CLVS2: variants seen among roughly 807,000 people sequenced by gnomAD.
CLVS2 encodes clavesin 2, also known as clavesin-2.
In CLVS2, 19 loss-of-function variants were observed where a neutral mutation model predicts 29.0. That is an observed-to-expected ratio of 0.66 (90% CI 0.46 to 0.96). CLVS2 has a LOEUF of 0.96. Ranked by LOEUF, CLVS2 falls within the 40% of genes least tolerant of loss-of-function variation. CLVS2 has a pLI of 0.00. For missense variants in CLVS2, 294 were observed against 404.1 expected (o/e 0.73, Z 2.34); for synonymous variants, 161 against 151.3 (o/e 1.06, Z -0.47).
intron 2 of CLVS2, among the ~76,000 whole-genome samples, chr6:123,000,099 ATAATCT>A (rs1378603103): frequency 2.0e-5 from 3 of 152,206 alleles, no homozygotes; most frequent in Non-Finnish European, 2.9e-5. Context: ...AAACTTACAC[ATAATCT>A]TAAATACTAA....
chr6:123,005,040 A>G (rs967909742), intron 2 of CLVS2, among the ~76,000 whole-genome samples: 20 of 151,910 alleles, frequency 1.3e-4, no homozygotes, highest in African/African-American at 4.6e-4. Context: ...TCTATGTGGT[A>G]TCAGAAAGAT....
intron 3 of CLVS2, among the ~76,000 whole-genome samples, chr6:123,046,658 CAAAA>C (rs34421196): frequency 3.5e-5 from 5 of 144,204 alleles, no homozygotes; most frequent in Non-Finnish European, 4.6e-5. Flanking sequence ...AACTCAGTCT[CAAAA>C]AAAAAAAAAA....
At chr6:123,008,336 G>A (rs879543708) in intron 2 of CLVS2, among the ~76,000 whole-genome samples, 4 of 152,030 alleles carry the variant, frequency 2.6e-5, no homozygotes, top group African/African-American at 7.2e-5. Context: ...TTTGGGATTT[G>A]CCTTATATTA....
chr6:123,040,561 G>A (rs1294554088), intron 3 of CLVS2, among the ~76,000 whole-genome samples: 1 of 152,154 alleles, frequency 6.6e-6, no homozygotes, highest in Non-Finnish European at 1.5e-5. Context: ...TTGTGAGGCC[G>A]AGGCAGGTGG....
At chr6:123,003,311 C>T (rs899811745) in intron 2 of CLVS2, among the ~76,000 whole-genome samples, 5 of 152,082 alleles carry the variant, frequency 3.3e-5, no homozygotes, top group Non-Finnish European at 5.9e-5. Flanking sequence ...TGAAAGGATG[C>T]CTCAAAAGAA....
chr6:123,026,162 A>G (rs1774998474), intron 3 of CLVS2, among the ~76,000 whole-genome samples: 1 of 152,274 alleles, frequency 6.6e-6, no homozygotes, highest in African/African-American at 2.4e-5. Context: ...TAAGTGGAAT[A>G]TGTGCAATAT....
Position 122,997,921 on chromosome 6 carries a change from C to A in CLVS2, c.144C>A (p.Arg48=), listed in dbSNP as rs920617684. 8.7e-6 allele frequency: 14 copies of A among 1,614,108 alleles called. No homozygotes were observed. In the Admixed American group the frequency reaches 1.8e-4, roughly 21 times the overall value. ...VITRPDIGFL[R]TDDAFILRFL... ...CCAGGCCGGACATTGGCTTTCTGCG[C>A]ACGGATGATGCCTTCATCTTACGCT... The change falls in exon 2 of 6, where the codon CGC becomes CGA. Residue 48 remains arginine, a synonymous_variant. Transcript: ENST00000275162.
In CLVS2 at chr6:123,065,935, A is replaced by G. The variant is rs982911749; in HGVS notation, c.*2174A>G. On this transcript the variant is annotated 3_prime_UTR_variant, in exon 6 of 6. Transcript: ENST00000275162. Reference sequence around the variant, plus strand: ...AAAGGCATATTTTATATGTATGCCTATCTAATTATAAGTATCATTCACACT... The same window carrying G: ...AAAGGCATATTTTATATGTATGCCTGTCTAATTATAAGTATCATTCACACT... 2 of 151,764 alleles carry G rather than the reference A, an allele frequency of 1.3e-5. No homozygotes were observed. The highest frequency in any genetic ancestry group is 6.6e-5 in the Admixed American group (1 of 15,202). The allele number at this position is 151,764 out of a possible 1,614,324, so 9.4% of individuals were successfully genotyped here.
chr6:123,001,444 T>C (rs1283982585), intron 2 of CLVS2, among the ~76,000 whole-genome samples: 1 of 152,186 alleles, frequency 6.6e-6, no homozygotes, highest in African/African-American at 2.4e-5. Context: ...AGTTGCAGTG[T>C]GGCCTGTGGT....
At chr6:123,035,829 A>G (rs572763532) in intron 3 of CLVS2, among the ~76,000 whole-genome samples, 1 of 152,298 alleles carries the variant, frequency 6.6e-6, no homozygotes, top group East Asian at 1.9e-4. Context: ...ACACACCCCC[A>G]TATACACAAC....
At chr6:123,020,205 G>T (rs1315552180) in intron 3 of CLVS2, among the ~76,000 whole-genome samples, 1 of 151,894 alleles carries the variant, frequency 6.6e-6, no homozygotes, top group African/African-American at 2.4e-5. Flanking sequence ...AAAATACTTG[G>T]GATCAGAAAT....
intron 2 of CLVS2, among the ~76,000 whole-genome samples, chr6:123,004,786 G>T (rs1310188310): frequency 6.6e-6 from 1 of 152,010 alleles, no homozygotes; most frequent in African/African-American, 2.4e-5. Context: ...GGTGGCGGGC[G>T]CCTGTAATCC....
chr6:123,031,321 C>T (rs1378617505), intron 3 of CLVS2, among the ~76,000 whole-genome samples: 2 of 151,998 alleles, frequency 1.3e-5, no homozygotes, highest in Admixed American at 6.6e-5. Context: ...TTTGCACAAG[C>T]AAATGTCAGT....
At chr6:123,046,821 A>G (rs1772521464) in intron 3 of CLVS2, among the ~76,000 whole-genome samples, 1 of 152,188 alleles carries the variant, frequency 6.6e-6, no homozygotes, top group African/African-American at 2.4e-5. Context: ...TGGTTTCATC[A>G]CAACAAAAAT....
At chr6:123,038,450 T>A (rs890008025) in intron 3 of CLVS2, among the ~76,000 whole-genome samples, 1 of 152,042 alleles carries the variant, frequency 6.6e-6, no homozygotes, top group Non-Finnish European at 1.5e-5. Flanking sequence ...TTGTGCCAAT[T>A]TTTTTTAAAG....
At chr6:123,013,209 A>T (rs1368207468) in intron 3 of CLVS2, among the ~76,000 whole-genome samples, 2 of 152,086 alleles carry the variant, frequency 1.3e-5, no homozygotes, top group Non-Finnish European at 2.9e-5. Flanking sequence ...GTGTACCACT[A>T]TATGTTTCAT....
At chr6:123,005,314 C>T (rs146660758) in intron 2 of CLVS2, among the ~76,000 whole-genome samples, 11 of 152,102 alleles carry the variant, frequency 7.2e-5, no homozygotes, top group African/African-American at 2.4e-4. Flanking sequence ...ACTAATAATA[C>T]CCTGAGGCAT....
intron 4 of CLVS2, among the ~76,000 whole-genome samples, chr6:123,054,391 C>T (rs1357979184): frequency 6.6e-6 from 1 of 152,186 alleles, no homozygotes; most frequent in Non-Finnish European, 1.5e-5. Context: ...GCCTCTTCCA[C>T]CTCCTGTGGG....
chr6:123,028,244 A>AT (rs869036292), intron 3 of CLVS2, among the ~76,000 whole-genome samples: 1 of 11,086 alleles, frequency 9.0e-5, no homozygotes, highest in African/African-American at 9.2e-4. Context: ...ATACAGATCT[A>AT]ATCAGTTTTA....
Sources: allele counts gnomAD v4.1 joint callset (sites outside exome capture counted in the v4.1 genomes callset), GRCh38; gene constraint gnomAD v4.1.1; transcripts MANE v1.5; gene names NCBI Gene and HGNC (gene_info 2026-07-23, HGNC 2026-07-21).